ATP10B: variants seen among roughly 807,000 people sequenced by gnomAD.
The protein encoded by ATP10B is ATPase phospholipid transporting 10B (putative), also known as phospholipid-transporting ATPase VB.
A neutral mutation model predicts 141.2 loss-of-function variants in ATP10B; 122 were observed. That is an observed-to-expected ratio of 0.86 (90% CI 0.75 to 1.00). The LOEUF is 1.00. Ranked by LOEUF, ATP10B falls within the 50% of genes least tolerant of loss-of-function variation. The probability of loss-of-function intolerance (pLI) is 0.00; values close to 1 mark genes in which losing one functional copy is unlikely to be tolerated. For missense variants in ATP10B, 1,876 were observed against 1,825.3 expected, an observed-to-expected ratio of 1.03 and a Z score of -0.51; for synonymous variants, 685 against 692.0, an observed-to-expected ratio of 0.99 and a Z score of 0.16.
At chr5:160,630,449 A>C (rs1758859276) in intron 13 of ATP10B, among the ~76,000 whole-genome samples, 1 of 152,236 alleles carries the variant, frequency 6.6e-6, no homozygotes. Context: ...ACTGAGATCC[A>C]CAAAGGAAAG....
At chr5:160,883,280 A>G in the ATP10B span, among the ~76,000 whole-genome samples, 2 of 152,200 alleles carry the variant, frequency 1.3e-5, no homozygotes, top group South Asian at 2.1e-4. Context: ...TGAAGAATCT[A>G]TTGAATGAAA....
At chr5:160,735,352 T>C (rs1767036668) in intron 2 of ATP10B, among the ~76,000 whole-genome samples, 1 of 152,088 alleles carries the variant, frequency 6.6e-6, no homozygotes, top group Non-Finnish European at 1.5e-5. Context: ...ATATCTATAC[T>C]TATGTCAGAC....
chr5:160,721,638 C>A (rs1032614299), intron 2 of ATP10B, among the ~76,000 whole-genome samples: 11 of 152,066 alleles, frequency 7.2e-5, no homozygotes, highest in Admixed American at 2.0e-4. Context: ...CTAAGATGGG[C>A]CACATTCAAG....
chr5:160,779,288 C>A (rs78104658), intron 2 of ATP10B, among the ~76,000 whole-genome samples: 1 of 152,082 alleles, frequency 6.6e-6, no homozygotes, highest in Non-Finnish European at 1.5e-5. Flanking sequence ...ATTCCTACCC[C>A]CTAAGATTTA....
At chr5:160,723,048 C>A (rs1581416063) in intron 2 of ATP10B, among the ~76,000 whole-genome samples, 1 of 152,190 alleles carries the variant, frequency 6.6e-6, no homozygotes, top group East Asian at 1.9e-4. Flanking sequence ...CTGCATGAAC[C>A]ATCTAACCTA....
At chr5:160,602,525 C>T (rs368669400) in intron 21 of ATP10B, 52 bp downstream of exon 21, 52 of 1,610,202 alleles carry the variant, frequency 3.2e-5, no homozygotes, top group Middle Eastern at 1.7e-4. Context: ...GATCTGGCCC[C>T]GTGGCAAGGC....
At chr5:160,631,626 CTGT>C (rs1348479941) in intron 13 of ATP10B, among the ~76,000 whole-genome samples, 1 of 152,216 alleles carries the variant, frequency 6.6e-6, no homozygotes, top group Non-Finnish European at 1.5e-5. Flanking sequence ...ACAGGCTTAT[CTGT>C]TGTTTTTCTC....
At chr5:160,861,794 T>G in the ATP10B span, among the ~76,000 whole-genome samples, 28 of 151,874 alleles carry the variant, frequency 1.8e-4, no homozygotes, top group Admixed American at 1.8e-3. Context: ...CCTAAATGAG[T>G]TTTTATTTAT....
At position 160,576,799 on chromosome 5, in the gene ATP10B, T is replaced by A. The variant is rs139954355; in HGVS notation, c.3751-7116A>T. On this transcript the variant is annotated intron_variant, in intron 24 of 25. Transcript: ENST00000327245. ...GGGTCTAAGTATGAAGTAGGAAGCATCACTGGTGATGCCAGGGGGCCAGCA... is the reference window on the plus strand; with the variant it reads ...GGGTCTAAGTATGAAGTAGGAAGCAACACTGGTGATGCCAGGGGGCCAGCA... 3.0e-3 allele frequency among the ~76,000 whole-genome samples: 452 copies of A among 152,298 alleles called. 2 individuals carry two copies. The highest frequency in any genetic ancestry group is 0.01 in the Middle Eastern group (3 of 294).
rs1373897388 is a variant in ATP10B, at chr5:160,851,927, A to C, written c.-576+14T>G. On this transcript the variant is annotated intron_variant, in intron 1 of 25. Coordinates refer to ENST00000327245, the MANE Select transcript of ATP10B (RefSeq NM_025153.3). The stretch of plus-strand genomic sequence containing the variant: ...CCCCATTATATAGGTTAAGGCCAGG[A>C]TGCTTTTACTTACCCCAGCAAAGCT... The C allele has an allele frequency of 2.0e-5, 3 of 152,208 alleles. No individual in the cohort carries two copies. The highest frequency in any genetic ancestry group is 6.5e-5 in the Admixed American group (1 of 15,270). 9.4% of individuals were successfully genotyped at this position (152,208 alleles called of 1,614,324 possible).
chr5:160,578,670 T>C (rs943354979), intron 24 of ATP10B, among the ~76,000 whole-genome samples: 1 of 152,218 alleles, frequency 6.6e-6, no homozygotes, highest in Admixed American at 6.5e-5. Flanking sequence ...TGTGTCTTTA[T>C]AGTAGAATGA....
chr5:160,904,026 G>T, the ATP10B span, among the ~76,000 whole-genome samples: 45 of 152,260 alleles, frequency 3.0e-4, no homozygotes, highest in African/African-American at 9.4e-4. Context: ...AGCAGTAAAA[G>T]CTTCAACAAG....
At chr5:160,604,969 C>T (rs2127629536) in intron 19 of ATP10B, among the ~76,000 whole-genome samples, 1 of 152,288 alleles carries the variant, frequency 6.6e-6, no homozygotes, top group South Asian at 2.1e-4. Context: ...ATATTTTAGG[C>T]TTTGTGAGCC....
chr5:160,602,580 G>T lies in ATP10B; in HGVS notation c.3360C>A (p.Asn1120Lys), dbSNP rs141953233. ...GAGGACGCCATAGGCTACTTACCAC[G>T]TTCTTGTAGAGGTAGTACACCACCA... ...ARMVVYYLYK[N>K]VCYVNLLFWY... The change falls in exon 21 of 26, where the codon AAC becomes AAA. Residue 1120 changes from asparagine (N) to lysine (K), a missense_variant. Transcript: ENST00000327245. 2 of 1,613,764 alleles carry T rather than the reference G, an allele frequency of 1.2e-6. No individual in the cohort carries two copies. The highest frequency in any genetic ancestry group is 2.2e-5 in the East Asian group (1 of 44,840).
chr5:160,732,651 G>A (rs1054105649), intron 2 of ATP10B, among the ~76,000 whole-genome samples: 2 of 152,040 alleles, frequency 1.3e-5, no homozygotes, highest in African/African-American at 4.8e-5. Context: ...TGTTCCATTG[G>A]TCTATGTGGC....
the ATP10B span, among the ~76,000 whole-genome samples, chr5:160,874,065 C>T: frequency 6.6e-6 from 1 of 152,128 alleles, no homozygotes; most frequent in Non-Finnish European, 1.5e-5. Flanking sequence ...CCTCTGTAGG[C>T]TCCACCACTG....
chr5:160,594,965 T>A (rs1210316488), intron 22 of ATP10B, among the ~76,000 whole-genome samples: 1 of 152,116 alleles, frequency 6.6e-6, no homozygotes, highest in African/African-American at 2.4e-5. Context: ...CACCCTACTG[T>A]CAACATTAGA....
chr5:160,813,699 T>C lies in ATP10B; in HGVS notation c.-575-27896A>G, dbSNP rs868416136. Among the ~76,000 whole-genome samples, 30 of 152,326 alleles carry C rather than the reference T, an allele frequency of 2.0e-4. No homozygotes were observed. In the Middle Eastern group the frequency reaches 0.01, roughly 52 times the overall value. On this transcript the variant is annotated intron_variant, in intron 1 of 25. Transcript: ENST00000327245. ...CAGACTGCCTCCTCAAGTGGGTCCCTGACCCCTGAGTAGCCTAACTTGGAA... is the reference window on the plus strand; with the variant it reads ...CAGACTGCCTCCTCAAGTGGGTCCCCGACCCCTGAGTAGCCTAACTTGGAA...
intron 1 of ATP10B, among the ~76,000 whole-genome samples, chr5:160,846,634 T>C (rs1467343193): frequency 6.6e-6 from 1 of 152,204 alleles, no homozygotes; most frequent in Non-Finnish European, 1.5e-5. Context: ...CTACTACTAA[T>C]ACATATCCAG....
Sources: allele counts gnomAD v4.1 joint callset (sites outside exome capture counted in the v4.1 genomes callset), GRCh38; gene constraint gnomAD v4.1.1; transcripts MANE v1.5; gene names NCBI Gene and HGNC (gene_info 2026-07-23, HGNC 2026-07-21).